TFDP2: variants seen among roughly 807,000 people sequenced by gnomAD.
The protein encoded by TFDP2 is transcription factor Dp-2, also known as transcription factor Dp-2 (E2F dimerization partner 2).
TFDP2 carries 17 observed loss-of-function variants against 59.3 expected under a neutral mutation model. The ratio of observed to expected loss-of-function variants is 0.29; its 90% CI spans 0.20 to 0.43. TFDP2 has a LOEUF of 0.43. Ranked by LOEUF, TFDP2 falls within the 20% of genes least tolerant of loss-of-function variation. The pLI is 1.00. For synonymous variants in TFDP2, 180 were observed against 194.7 expected (o/e 0.92, Z 0.63); for missense variants, 391 against 528.8 (o/e 0.74, Z 2.56).
At chr3:142,141,353 G>A (rs1034354638) in intron 1 of TFDP2, among the ~76,000 whole-genome samples, 3 of 152,100 alleles carry the variant, frequency 2.0e-5, no homozygotes, top group African/African-American at 7.2e-5. Flanking sequence ...TCCCTGCTTC[G>A]GCTCACCCTC....
intron 1 of TFDP2, among the ~76,000 whole-genome samples, chr3:142,122,051 C>A (rs2062066775): frequency 6.6e-6 from 1 of 152,148 alleles, no homozygotes; most frequent in African/African-American, 2.4e-5. Flanking sequence ...TTCTCTTAAA[C>A]CCTACTTTGG....
At chr3:142,077,574 G>A (rs1268194210) in intron 3 of TFDP2, among the ~76,000 whole-genome samples, 1 of 152,102 alleles carries the variant, frequency 6.6e-6, no homozygotes, top group Non-Finnish European at 1.5e-5. Flanking sequence ...ACACACCATG[G>A]TCCAGAAGGG....
chr3:142,053,602 C>CA (rs1947755073), intron 3 of TFDP2, among the ~76,000 whole-genome samples: 1 of 152,136 alleles, frequency 6.6e-6, no homozygotes, highest in South Asian at 2.1e-4. Flanking sequence ...GTCTGCTCTT[C>CA]AAAATCTCTT....
rs966208421 is a variant in TFDP2 at position 141,966,870 on chromosome 3, TA to T, written c.733-2908del. Among the ~76,000 whole-genome samples the T allele has an allele frequency of 7.3e-5, 8 of 108,930 alleles. No individual in the cohort carries two copies. The South Asian group carries it at 1.1e-3, about 15-fold the overall frequency. The allele number at this position is 108,930 out of a possible 152,430, so 71.5% of individuals were successfully genotyped here. A position where few individuals can be genotyped will look rare whatever the true frequency, so the allele number is the denominator to read the frequency against. ...ATGAGTGAGTTGTGACATGAGCTTA[TA>T]AAAAAAAATCAAGTGAGCTTAGCCA... On this transcript the variant is annotated intron_variant, in intron 9 of 12. Transcript: ENST00000489671.
chr3:142,014,777 A>T (rs372944324), intron 3 of TFDP2, among the ~76,000 whole-genome samples: 5 of 152,172 alleles, frequency 3.3e-5, no homozygotes, highest in Non-Finnish European at 7.3e-5. Context: ...GATCATTCTC[A>T]TCAGCACATA....
chr3:141,947,527 G>C lies in TFDP2; in HGVS notation c.*4986C>G, dbSNP rs1055556009. On this transcript the variant is annotated 3_prime_UTR_variant, in exon 13 of 13. Transcript: ENST00000489671. ...CCTCCTGGGTTCAAGTGATTCTCCTGCCTCAGCCTCCCGAGTAGCTGGGAC... is the reference window on the plus strand; with the variant it reads ...CCTCCTGGGTTCAAGTGATTCTCCTCCCTCAGCCTCCCGAGTAGCTGGGAC... 2.6e-5 allele frequency: 4 copies of C among 152,130 alleles called. No homozygotes were observed. The highest frequency in any genetic ancestry group is 9.7e-5 in the African/African-American group (4 of 41,408). The allele number at this position is 152,130 out of a possible 1,614,324, so 9.4% of individuals were successfully genotyped here.
intron 1 of TFDP2, among the ~76,000 whole-genome samples, chr3:142,123,153 C>T (rs894085665): frequency 2.6e-5 from 4 of 151,990 alleles, no homozygotes; most frequent in Middle Eastern, 3.2e-3. Context: ...TGTTTTGAGA[C>T]GGAGTCTCAC....
intron 3 of TFDP2, among the ~76,000 whole-genome samples, chr3:142,081,532 A>T (rs1033647024): frequency 6.6e-6 from 1 of 152,312 alleles, no homozygotes; most frequent in African/African-American, 2.4e-5. Flanking sequence ...AATGCAAAAG[A>T]TCAATGAAAC....
At chr3:142,075,127 T>A (rs930375805) in intron 3 of TFDP2, among the ~76,000 whole-genome samples, 10 of 152,146 alleles carry the variant, frequency 6.6e-5, no homozygotes, top group African/African-American at 2.4e-4. Context: ...AGGATCTTCA[T>A]GACATCAGAT....
At chr3:141,999,636 C>G (rs1943585132) in intron 4 of TFDP2, among the ~76,000 whole-genome samples, 1 of 152,102 alleles carries the variant, frequency 6.6e-6, no homozygotes, top group Non-Finnish European at 1.5e-5. Context: ...AAATTTCTAT[C>G]TACCATTAAG....
intron 3 of TFDP2, among the ~76,000 whole-genome samples, chr3:142,086,184 A>G (rs1204068408): frequency 1.6e-5 from 2 of 126,060 alleles, no homozygotes; most frequent in African/African-American, 5.2e-5. Flanking sequence ...TAAGAATGGG[A>G]AAAAAAACCA....
chr3:142,128,917 C>CT (rs11313369), intron 1 of TFDP2, among the ~76,000 whole-genome samples: 60 of 150,208 alleles, frequency 4.0e-4, no homozygotes, highest in South Asian at 8.4e-4. Context: ...ATGCAACTTT[C>CT]TTTTTTTTTT....
At chr3:142,140,806 T>C (rs2062923456) in intron 1 of TFDP2, among the ~76,000 whole-genome samples, 1 of 152,208 alleles carries the variant, frequency 6.6e-6, no homozygotes. Flanking sequence ...CGCCCCCTAC[T>C]GGGAGGTGTC....
At chr3:141,968,100 G>A (rs564921817) in intron 9 of TFDP2, among the ~76,000 whole-genome samples, 10 of 151,246 alleles carry the variant, frequency 6.6e-5, no homozygotes, top group Non-Finnish European at 1.2e-4. Flanking sequence ...AGAGGCTGCC[G>A]GGGGGAAGAA....
rs1297776053 is a variant in TFDP2 at position 141,951,327 on chromosome 3, A to G, written c.*1186T>C. On this transcript the variant is annotated 3_prime_UTR_variant, in exon 13 of 13. Coordinates refer to ENST00000489671, the MANE Select transcript of TFDP2 (RefSeq NM_001178139.2). ...ATTTCTAATGACATCTTGAGCCATAAACAACATAACTGCACTACCATATAT... is the reference window on the plus strand; with the variant it reads ...ATTTCTAATGACATCTTGAGCCATAGACAACATAACTGCACTACCATATAT... 6.6e-6 allele frequency: 1 copy of G among 151,994 alleles called. No individual in the cohort carries two copies. Among genetic ancestry groups the G allele is most frequent in the Non-Finnish European group, 1.5e-5 (1 of 68,044 alleles). The allele number at this position is 151,994 out of a possible 1,614,324, so 9.4% of individuals were successfully genotyped here.
At chr3:142,106,951 A>C (rs1242154995) in intron 1 of TFDP2, among the ~76,000 whole-genome samples, 1 of 152,228 alleles carries the variant, frequency 6.6e-6, no homozygotes, top group South Asian at 2.1e-4. Flanking sequence ...AATTTGAATC[A>C]GGATGTGTAG....
chr3:142,013,772 T>G (rs540354738), intron 3 of TFDP2, among the ~76,000 whole-genome samples: 1 of 131,080 alleles, frequency 7.6e-6, no homozygotes, highest in South Asian at 2.4e-4. Context: ...ACACCACATA[T>G]TTTTTTTTCC....
chr3:142,025,822 G>A (rs1560055634), intron 3 of TFDP2, among the ~76,000 whole-genome samples: 1 of 152,120 alleles, frequency 6.6e-6, no homozygotes, highest in African/African-American at 2.4e-5. Flanking sequence ...TCAAAGGCCA[G>A]GCGTGTGGGC....
intron 1 of TFDP2, among the ~76,000 whole-genome samples, chr3:142,147,531 A>C (rs1394778344): frequency 6.6e-6 from 1 of 152,230 alleles, no homozygotes; most frequent in East Asian, 1.9e-4. Flanking sequence ...GGTGGGAGGA[A>C]TTACATGATC....
Sources: allele counts gnomAD v4.1 joint callset (sites outside exome capture counted in the v4.1 genomes callset), GRCh38; gene constraint gnomAD v4.1.1; transcripts MANE v1.5; gene names NCBI Gene and HGNC (gene_info 2026-07-23, HGNC 2026-07-21).